The following CHD6 variants were observed in gnomAD, a reference collection of about 807,000 sequenced individuals.
The protein encoded by CHD6 is chromodomain helicase DNA binding protein 6, also known as ATP-dependent chromatin remodeler CHD6.
In CHD6, 50 loss-of-function variants were observed where a neutral mutation model predicts 276.9. The ratio of observed to expected loss-of-function variants is 0.18; its 90% CI spans 0.14 to 0.23. The LOEUF (loss-of-function observed/expected upper bound fraction) is 0.23. Ranked by LOEUF, CHD6 falls within the 10% of genes least tolerant of loss-of-function variation. The pLI, the probability that CHD6 is intolerant of heterozygous loss-of-function variation, is 1.00. For missense variants in CHD6, 2,564 were observed against 3,365.8 expected (o/e 0.76, Z 5.89); for synonymous variants, 1,173 against 1,229.3 (o/e 0.95, Z 0.96).
At chr20:41,456,531 TATCA>T (rs2048382421) in intron 18 of CHD6, among the ~76,000 whole-genome samples, 1 of 152,122 alleles carries the variant, frequency 6.6e-6, no homozygotes, top group Non-Finnish European at 1.5e-5. Context: ...GTTCTCTTTA[TATCA>T]ATCACAAGAG....
chr20:41,467,808 T>TAAA (rs11470704), intron 17 of CHD6, among the ~76,000 whole-genome samples: 1 of 138,022 alleles, frequency 7.2e-6, no homozygotes, highest in Non-Finnish European at 1.6e-5. Context: ...AGAAAGGAGT[T>TAAA]AAAAAAAAAA....
intron 1 of CHD6, among the ~76,000 whole-genome samples, chr20:41,604,053 C>A (rs919123713): frequency 6.6e-6 from 1 of 151,840 alleles, no homozygotes; most frequent in African/African-American, 2.4e-5. Flanking sequence ...TCAGGGAGAA[C>A]AGGGGCTGCT....
intron 1 of CHD6, among the ~76,000 whole-genome samples, chr20:41,564,655 T>C (rs529744940): frequency 2.6e-5 from 4 of 152,302 alleles, no homozygotes; most frequent in Non-Finnish European, 5.9e-5. Flanking sequence ...CATTTTTCCG[T>C]GTGAAAAAAG....
At chr20:41,617,437 G>A (rs1040599947) in intron 1 of CHD6, among the ~76,000 whole-genome samples, 1 of 152,138 alleles carries the variant, frequency 6.6e-6, no homozygotes, top group Non-Finnish European at 1.5e-5. Context: ...AACTGAAGCT[G>A]CAAACAAACT....
intron 2 of CHD6, among the ~76,000 whole-genome samples, chr20:41,535,601 G>GT (rs2044812272): frequency 6.6e-6 from 1 of 152,192 alleles, no homozygotes; most frequent in African/African-American, 2.4e-5. Context: ...GTTCACACCT[G>GT]TAATACCAGC....
chr20:41,461,280 C>T (rs913921906), intron 17 of CHD6, among the ~76,000 whole-genome samples: 10 of 152,066 alleles, frequency 6.6e-5, no homozygotes, highest in African/African-American at 1.7e-4. Context: ...TTAAGACTTT[C>T]GGGGACTGTT....
chr20:41,496,394 C>CT (rs1300895102), intron 8 of CHD6, among the ~76,000 whole-genome samples: 1 of 151,854 alleles, frequency 6.6e-6, no homozygotes, highest in African/African-American at 2.4e-5. Flanking sequence ...AGAACGTCTC[C>CT]TGGGTGTTCA....
chr20:41,459,755 A>C (rs1254787123), intron 17 of CHD6, among the ~76,000 whole-genome samples: 2 of 152,210 alleles, frequency 1.3e-5, no homozygotes, highest in African/African-American at 2.4e-5. Context: ...TTTTGTTCCC[A>C]GTTTTGGATA....
At chr20:41,589,118 A>T (rs552599514) in intron 1 of CHD6, among the ~76,000 whole-genome samples, 11 of 152,320 alleles carry the variant, frequency 7.2e-5, no homozygotes, top group African/African-American at 2.6e-4. Context: ...GACAAAAACC[A>T]CATGATTATC....
intron 36 of CHD6, among the ~76,000 whole-genome samples, chr20:41,410,014 C>T (rs997706816): frequency 3.9e-5 from 6 of 152,090 alleles, no homozygotes; most frequent in South Asian, 2.1e-4. Context: ...CCATGCAGCC[C>T]GCGCAATGAT....
At chr20:41,430,854 A>ATTTTTTTT (rs61590579) in intron 27 of CHD6, among the ~76,000 whole-genome samples, 1 of 127,600 alleles carries the variant, frequency 7.8e-6, no homozygotes, top group African/African-American at 3.0e-5. Flanking sequence ...CAGAACATGA[A>ATTTTTTTT]TTTTTTTTTT....
intron 36 of CHD6, among the ~76,000 whole-genome samples, chr20:41,408,804 T>C (rs2046759531): frequency 6.6e-6 from 1 of 152,246 alleles, no homozygotes; most frequent in Admixed American, 6.5e-5. Flanking sequence ...CAGCACTTGA[T>C]GAATGGTGCC....
chr20:41,494,036 G>A, intron 8 of CHD6, 92 bp from the exon 9 acceptor site: 1 of 815,944 alleles, frequency 1.2e-6, no homozygotes, highest in East Asian at 2.5e-5. Context: ...CCCTACTCTA[G>A]GCCCTATCAA....
intron 8 of CHD6, 88 bp from the exon 9 acceptor site, chr20:41,494,032 T>A: frequency 1.2e-6 from 1 of 844,430 alleles, no homozygotes; most frequent in East Asian, 2.5e-5. Flanking sequence ...TGATCCCTAC[T>A]CTAGGCCCTA....
intron 17 of CHD6, among the ~76,000 whole-genome samples, chr20:41,461,101 G>A (rs1335573210): frequency 1.3e-5 from 2 of 152,080 alleles, no homozygotes; most frequent in Non-Finnish European, 2.9e-5. Flanking sequence ...CCTTTGTTTT[G>A]GCCAATTTCT....
In CHD6 at chr20:41,452,688, C is replaced by A. The variant is rs2048274300; in HGVS notation, c.3323+52G>T. 3 of 1,523,636 alleles carry A rather than the reference C, an allele frequency of 2.0e-6. No individual in the cohort carries two copies. Among genetic ancestry groups the A allele is most frequent in the Admixed American group, 1.8e-5 (1 of 57,122 alleles). The allele number at this position is 1,523,636 out of a possible 1,614,324, so 94.4% of individuals were successfully genotyped here. A position where few individuals can be genotyped will look rare whatever the true frequency, so the allele number is the denominator to read the frequency against. On this transcript the variant is annotated intron_variant, in intron 21 of 36. Transcript: ENST00000373233. This position sits in a 1 kb window ranked among gnomAD's most constrained non-coding sequence, Gnocchi z 4.2. ...TAGACAAATCTCAGGGACTGAAAAACAGAGGGGAACAAACAACAATAACAA... is the reference window on the plus strand; with the variant it reads ...TAGACAAATCTCAGGGACTGAAAAAAAGAGGGGAACAAACAACAATAACAA...
chr20:41,598,744 T>C (rs534333772), intron 1 of CHD6, among the ~76,000 whole-genome samples: 1 of 152,300 alleles, frequency 6.6e-6, no homozygotes, highest in African/African-American at 2.4e-5. Context: ...TCTAGCAAGA[T>C]GAAGTAAGCC....
chr20:41,543,463 T>G (rs569820802), intron 2 of CHD6, among the ~76,000 whole-genome samples: 1 of 152,304 alleles, frequency 6.6e-6, no homozygotes, highest in Non-Finnish European at 1.5e-5. Context: ...CACCTGTATC[T>G]CTCCTCAACC....
At chr20:41,548,775 A>G (rs1156853543) in intron 2 of CHD6, among the ~76,000 whole-genome samples, 5 of 152,130 alleles carry the variant, frequency 3.3e-5, no homozygotes, top group African/African-American at 4.8e-5. Flanking sequence ...CAGAATCTAC[A>G]TGAACTCAAA....
Sources: allele counts gnomAD v4.1 joint callset (sites outside exome capture counted in the v4.1 genomes callset), GRCh38; gene constraint gnomAD v4.1.1; non-coding constraint Gnocchi (gnomAD v3.1); transcripts MANE v1.5; gene names NCBI Gene and HGNC (gene_info 2026-07-23, HGNC 2026-07-21).